HOXA13: variants seen among roughly 807,000 people sequenced by gnomAD.
HOXA13 encodes the protein homeobox protein Hox-A13.
In HOXA13, 5 loss-of-function variants were observed where a neutral mutation model predicts 25.7. That is an observed-to-expected ratio of 0.19 (90% CI 0.10 to 0.41). The LOEUF is 0.41. HOXA13 is among the 10% of genes least tolerant of loss of function. The pLI is 1.00. For missense variants in HOXA13, 557 were observed against 533.5 expected (o/e 1.04, Z -0.43); for synonymous variants, 284 against 241.1 (o/e 1.18, Z -1.65).
chr7:27,199,862 C>T lies in HOXA13; in HGVS notation c.216G>A (p.Val72=), dbSNP rs1784071804. The T allele has an allele frequency of 1.1e-5, 11 of 1,024,806 alleles. No homozygotes were observed. In the South Asian group the frequency reaches 4.9e-4, roughly 46 times the overall value. 63.5% of individuals were successfully genotyped at this position (1,024,806 alleles called of 1,614,324 possible). The stretch of plus-strand genomic sequence containing the variant: ...CCGCCGCAGCCGCGGCCGCCGCCGC[C>T]ACCGAGAAGTTGCCCCCTGCCGCCG... ...AAAAAGGNFS[V]AAAAAAAAAA... The change falls in exon 1 of 2, where the codon GTG becomes GTA. Residue 72 remains valine, a synonymous_variant. Coordinates refer to ENST00000649031, the MANE Select transcript of HOXA13 (RefSeq NM_000522.5).
In HOXA13 at chr7:27,199,918, C is replaced by T. The variant is rs1422670903; in HGVS notation, c.160G>A (p.Gly54Arg). Residue 54 changes from glycine to arginine, a missense_variant, in exon 1 of 2, where the codon GGG becomes AGG. By Grantham distance (125) the Gly-to-Arg change is moderately radical (BLOSUM62 -2). Transcript: ENST00000649031. Reference sequence around the variant, plus strand: ...GCCGGGTGGGGGAAGCCCCCGCCCCCGGCCCCGGCAGCCGCCGCCGCTGCA... The same window carrying T: ...GCCGGGTGGGGGAAGCCCCCGCCCCTGGCCCCGGCAGCCGCCGCCGCTGCA... ...AAAAAAAAGA[G>R]GGGFPHPAAA... 6 of 1,212,212 alleles carry T rather than the reference C, an allele frequency of 4.9e-6. No individual in the cohort carries two copies. The South Asian group carries it at 9.7e-5, about 20-fold the overall frequency. The allele number at this position is 1,212,212 out of a possible 1,614,324, so 75.1% of individuals were successfully genotyped here. A position where few individuals can be genotyped will look rare whatever the true frequency, so the allele number is the denominator to read the frequency against.
chr7:27,198,783 C>G (rs1217163048), intron 1 of HOXA13: 1 of 496,550 alleles, frequency 2.0e-6, no homozygotes, highest in East Asian at 3.6e-5. Context: ...GGTGCCCGTC[C>G]CAATACTCGA....
rs1357008031 is a variant in HOXA13 at position 27,196,674 on chromosome 7, C to T, written c.*1524G>A. On this transcript the variant is annotated 3_prime_UTR_variant, in exon 2 of 2. Coordinates refer to ENST00000649031, the MANE Select transcript of HOXA13 (RefSeq NM_000522.5). ...TCTCTCCCTTTTGTAATACCTGACA[C>T]TTTAATCTCCTTGAAGCACTTATCA... 6.5e-6 allele frequency: 1 copy of T among 153,150 alleles called. No individual in the cohort carries two copies. The highest frequency in any genetic ancestry group is 1.9e-4 in the East Asian group (1 of 5,368). The allele number at this position is 153,150 out of a possible 1,614,324, so 9.5% of individuals were successfully genotyped here. A position where few individuals can be genotyped will look rare whatever the true frequency, so the allele number is the denominator to read the frequency against.
In HOXA13 at chr7:27,195,356, C is replaced by G. The variant is rs892836388; in HGVS notation, c.*2842G>C. 6.6e-6 allele frequency: 1 copy of G among 152,246 alleles called. No individual in the cohort carries two copies. The highest frequency in any genetic ancestry group is 1.5e-5 in the Non-Finnish European group (1 of 68,020). The allele number at this position is 152,246 out of a possible 1,614,324, so 9.4% of individuals were successfully genotyped here. A position where few individuals can be genotyped will look rare whatever the true frequency, so the allele number is the denominator to read the frequency against. ...TCCATTCACTATTACTTTCCTCTAA[C>G]GTAAAGATAAAATTAGCCTGCATCT... On this transcript the variant is annotated 3_prime_UTR_variant, in exon 2 of 2. Coordinates refer to ENST00000649031, the MANE Select transcript of HOXA13 (RefSeq NM_000522.5).
Position 27,194,697 on chromosome 7 carries a change from G to A in HOXA13, c.*3501C>T, listed in dbSNP as rs1783984771. The A allele has an allele frequency of 6.6e-6, 1 of 151,986 alleles. No homozygotes were observed. Among genetic ancestry groups the A allele is most frequent in the Non-Finnish European group, 1.5e-5 (1 of 68,002 alleles). 9.4% of individuals were successfully genotyped at this position (151,986 alleles called of 1,614,324 possible). A position where few individuals can be genotyped will look rare whatever the true frequency, so the allele number is the denominator to read the frequency against. On this transcript the variant is annotated 3_prime_UTR_variant, in exon 2 of 2. Transcript: ENST00000649031. ...ATCAATGACCATTTTAGAACTGGGG[G>A]GAAAAAATCCCCACAACAACCCTGA...
rs1783981736 is a variant in HOXA13, at chr7:27,194,409, T to A, written c.*3789A>T. 1 of 152,206 alleles carries A rather than the reference T, an allele frequency of 6.6e-6. No individual in the cohort carries two copies. Among genetic ancestry groups the A allele is most frequent in the Admixed American group, 6.5e-5 (1 of 15,280 alleles). The allele number at this position is 152,206 out of a possible 1,614,324, so 9.4% of individuals were successfully genotyped here. On this transcript the variant is annotated 3_prime_UTR_variant, in exon 2 of 2. Coordinates refer to ENST00000649031, the MANE Select transcript of HOXA13 (RefSeq NM_000522.5). Reference sequence around the variant, plus strand: ...TTTATTTTCTTAATTCAGGAAGAGTTTTCTTTTTAGAAAAAAATACTTTAA... The same window carrying A: ...TTTATTTTCTTAATTCAGGAAGAGTATTCTTTTTAGAAAAAAATACTTTAA...
At position 27,199,472 on chromosome 7, in the gene HOXA13, G is replaced by T. The variant is rs966487992; in HGVS notation, c.606C>A (p.Ala202=). 1.2e-6 allele frequency: 2 copies of T among 1,611,872 alleles called. No homozygotes were observed. The highest frequency in any genetic ancestry group is 1.7e-5 in the Admixed American group (1 of 59,936). ...KSCAQPASAA[A]AAAFADKYMD... is the part of the protein sequence containing the mutation. ...TGTACTTGTCCGCGAAGGCGGCGGC[G>T]GCGGCGGCCGAGGCGGGCTGCGCGC... Residue 202 remains alanine, a synonymous_variant, in exon 1 of 2, where the codon GCC becomes GCA. Coordinates refer to ENST00000649031, the MANE Select transcript of HOXA13 (RefSeq NM_000522.5).
chr7:27,198,509 C>G (rs929759443), intron 1 of HOXA13, 67 bp from the exon 2 acceptor site: 2 of 1,599,504 alleles, frequency 1.3e-6, no homozygotes, highest in East Asian at 2.2e-5. Context: ...GGCGACAGCT[C>G]GATCTGAGCC....
chr7:27,199,462 A>AGGCGGCGGC lies in HOXA13; in HGVS notation c.607_615dup (p.Ala203_Ala205dup), dbSNP rs750672289. The AGGCGGCGGC allele has an allele frequency of 5.0e-5, 81 of 1,612,376 alleles. No homozygotes were observed. Among genetic ancestry groups the AGGCGGCGGC allele is most frequent in the Admixed American group, 2.5e-4 (15 of 59,968 alleles). ...GCGGTATCCATGTACTTGTCCGCGA[A>AGGCGGCGGC]GGCGGCGGCGGCGGCGGCCGAGGCG... On this transcript the variant is annotated inframe_insertion, in exon 1 of 2. Coordinates refer to ENST00000649031, the MANE Select transcript of HOXA13 (RefSeq NM_000522.5).
At position 27,195,293 on chromosome 7, in the gene HOXA13, A is replaced by G. The variant is rs755126691; in HGVS notation, c.*2905T>C. ...TTTCCGGCAGCCACTTTTGTAACCA[A>G]TCAATATTATTTTCCATAAAATGAT... On this transcript the variant is annotated 3_prime_UTR_variant, in exon 2 of 2. Coordinates refer to ENST00000649031, the MANE Select transcript of HOXA13 (RefSeq NM_000522.5). The G allele has an allele frequency of 8.5e-5, 13 of 152,196 alleles. No individual in the cohort carries two copies. The highest frequency in any genetic ancestry group is 1.6e-4 in the Non-Finnish European group (11 of 68,038). The allele number at this position is 152,196 out of a possible 1,614,324, so 9.4% of individuals were successfully genotyped here. A position where few individuals can be genotyped will look rare whatever the true frequency, so the allele number is the denominator to read the frequency against.
intron 1 of HOXA13, chr7:27,198,860 G>A: frequency 1.9e-6 from 1 of 514,842 alleles, no homozygotes; most frequent in South Asian, 2.5e-5. Context: ...GCTGTTTTCT[G>A]GTCAATTTCT....
rs1308135144 is a variant in HOXA13 at position 27,199,844 on chromosome 7, A to T, written c.234T>A (p.Ala78=). The change falls in exon 1 of 2, where the codon GCT becomes GCA. Residue 78 remains alanine, a synonymous_variant. Transcript: ENST00000649031. ...ACTGGTTGGCCGCGGCCGCCGCCGC[A>T]GCCGCGGCCGCCGCCGCCACCGAGA... ...GNFSVAAAAA[A]AAAAAANQCR... is the part of the protein sequence containing the mutation. The T allele has an allele frequency of 1.2e-5, 12 of 977,356 alleles. No individual in the cohort carries two copies. The highest frequency in any genetic ancestry group is 1.1e-4 in the East Asian group (1 of 8,872). 60.5% of individuals were successfully genotyped at this position (977,356 alleles called of 1,614,324 possible). A position where few individuals can be genotyped will look rare whatever the true frequency, so the allele number is the denominator to read the frequency against.
chr7:27,198,805 T>C, intron 1 of HOXA13: 1 of 481,308 alleles, frequency 2.1e-6, no homozygotes, highest in South Asian at 2.5e-5. Flanking sequence ...GCTTCTACAC[T>C]GAAGCCATTT....
In HOXA13 at chr7:27,199,190, C is replaced by A. The variant is rs1157970945; in HGVS notation, c.888G>T (p.Ala296=). 4 of 1,612,606 alleles carry A rather than the reference C, an allele frequency of 2.5e-6. No individual in the cohort carries two copies. The highest frequency in any genetic ancestry group is 3.4e-6 in the Non-Finnish European group (4 of 1,179,404). Residue 296 remains alanine, a synonymous_variant, in exon 1 of 2, where the codon GCG becomes GCT. Transcript: ENST00000649031. The part of the protein sequence containing the change: ...NGQMYCPKEQ[A]QPPHLWKSTL... ...TGGACTTCCAGAGGTGGGGAGGCTG[C>A]GCCTGCTCTTTGGGGCAGTACATTT...
At position 27,199,937 on chromosome 7, in the gene HOXA13, C is replaced by T. The variant is rs775298864; in HGVS notation, c.141G>A (p.Ala47=). The T allele has an allele frequency of 1.0e-5, 13 of 1,280,584 alleles. No homozygotes were observed. Among genetic ancestry groups the T allele is most frequent in the Admixed American group, 2.8e-5 (1 of 36,226 alleles). The allele number at this position is 1,280,584 out of a possible 1,614,324, so 79.3% of individuals were successfully genotyped here. A position where few individuals can be genotyped will look rare whatever the true frequency, so the allele number is the denominator to read the frequency against. ...GAAAAAAAAA[A]AAAAGAGGGG... is the part of the protein sequence containing the mutation. ...CGCCCCCGGCCCCGGCAGCCGCCGC[C>T]GCTGCAGCCGCTGCTGCAGCCGCCG... Residue 47 remains alanine (A), a synonymous_variant, in exon 1 of 2, where the codon GCG becomes GCA. Coordinates refer to ENST00000649031, the MANE Select transcript of HOXA13 (RefSeq NM_000522.5).
chr7:27,199,074 C>A, intron 1 of HOXA13, 82 bp downstream of exon 1: 1 of 1,395,152 alleles, frequency 7.2e-7, no homozygotes, highest in Non-Finnish European at 9.7e-7. Context: ...AACAGAAACG[C>A]ACCCGGGATC....
At position 27,197,804 on chromosome 7, in the gene HOXA13, A is replaced by C. The variant is rs955240492; in HGVS notation, c.*394T>G. On this transcript the variant is annotated 3_prime_UTR_variant, in exon 2 of 2. Coordinates refer to ENST00000649031, the MANE Select transcript of HOXA13 (RefSeq NM_000522.5). ...ACCTAAGAAGGACAAGCAGATGTTT[A>C]CAATGGCCTCTTGCGTTTGTAACCA... is the stretch of plus-strand genomic sequence containing the variant. The C allele has an allele frequency of 1.2e-5, 4 of 335,558 alleles. No individual in the cohort carries two copies. The highest frequency in any genetic ancestry group is 8.4e-5 in the South Asian group (2 of 23,798). 20.8% of individuals were successfully genotyped at this position (335,558 alleles called of 1,614,324 possible).
Position 27,197,488 on chromosome 7 carries a change from C to T in HOXA13, c.*710G>A. 2 of 210,538 alleles carry T rather than the reference C, an allele frequency of 9.5e-6. No individual in the cohort carries two copies. Among genetic ancestry groups the T allele is most frequent in the Non-Finnish European group, 1.9e-5 (2 of 103,694 alleles). 13.0% of individuals were successfully genotyped at this position (210,538 alleles called of 1,614,324 possible). ...TATAGTTCAAATGCCACAAAATATGCTTGTTATAAGCAATTAAAAATTATT... is the reference window on the plus strand; with the variant it reads ...TATAGTTCAAATGCCACAAAATATGTTTGTTATAAGCAATTAAAAATTATT... On this transcript the variant is annotated 3_prime_UTR_variant, in exon 2 of 2. Coordinates refer to ENST00000649031, the MANE Select transcript of HOXA13 (RefSeq NM_000522.5).
At position 27,198,172 on chromosome 7, in the gene HOXA13, T is replaced by C. The variant is rs1284324156; in HGVS notation, c.*26A>G. The C allele has an allele frequency of 1.2e-6, 2 of 1,613,614 alleles. No homozygotes were observed. Among genetic ancestry groups the C allele is most frequent in the Non-Finnish European group, 1.7e-6 (2 of 1,179,566 alleles). On this transcript the variant is annotated 3_prime_UTR_variant, in exon 2 of 2. Transcript: ENST00000649031. The stretch of plus-strand genomic sequence containing the variant: ...CGAGTTCTGAAGCGTTTCTTCAAGT[T>C]GCCTTCTTGCTCTATTTTTAATCCA...
Sources: gnomAD v4.1 joint callset for allele counts on GRCh38, gnomAD v4.1.1 for gene constraint, MANE v1.5 for transcripts, NCBI Gene and HGNC (gene_info 2026-07-23, HGNC 2026-07-21) for gene names.